GRIP1: variants seen among roughly 807,000 people sequenced by gnomAD.
GRIP1 encodes the protein glutamate receptor interacting protein 1.
In GRIP1, 45 loss-of-function variants were observed where a neutral mutation model predicts 129.9. The ratio of observed to expected loss-of-function variants is 0.35; its 90% CI spans 0.27 to 0.44. The LOEUF (loss-of-function observed/expected upper bound fraction) is 0.44, where lower values mean the gene tolerates loss of function less well. Among genes scored for constraint, GRIP1 ranks in the 20% least tolerant of loss-of-function variants. The pLI, the probability that GRIP1 is intolerant of heterozygous loss-of-function variation, is 1.00. For synonymous variants in GRIP1, 530 were observed against 520.8 expected (o/e 1.02, Z -0.24); for missense variants, 1,196 against 1,396.8 (o/e 0.86, Z 2.29).
At chr12:66,529,211 C>T (rs1451530219) in intron 5 of GRIP1, among the ~76,000 whole-genome samples, 1 of 152,128 alleles carries the variant, frequency 6.6e-6, no homozygotes, top group Admixed American at 6.5e-5. Flanking sequence ...ACTAGTACAA[C>T]CACTATAGAA....
Position 66,668,997 on chromosome 12 carries a change from G to C in GRIP1, c.55+9853C>G, listed in dbSNP as rs142699392. Among the ~76,000 whole-genome samples the C allele has an allele frequency of 1.0e-3, 154 of 152,184 alleles. 2 individuals carry two copies. The East Asian group carries it at 0.016, about 16-fold the overall frequency. ...AAAAGATCTTCAGAATATTCCTGGA[G>C]CTTTCTTTCCCCATGTGATGTGAAA... On this transcript the variant is annotated intron_variant, in intron 1 of 24. Coordinates refer to ENST00000359742, the MANE Select transcript of GRIP1 (RefSeq NM_001366722.1).
At chr12:66,379,999 G>A (rs996703674) in intron 19 of GRIP1, among the ~76,000 whole-genome samples, 18 of 151,950 alleles carry the variant, frequency 1.2e-4, no homozygotes, top group Admixed American at 7.2e-4. Context: ...TCCTCCTCCC[G>A]GGTTCAAACA....
At chr12:66,923,849 T>C (rs1039681957) in intron 1 of GRIP1, among the ~76,000 whole-genome samples, 1 of 152,192 alleles carries the variant, frequency 6.6e-6, no homozygotes, top group Non-Finnish European at 1.5e-5. Flanking sequence ...CAGCATTTTT[T>C]TTTTTATTTC....
chr12:66,594,017 G>A (rs1159110882), intron 2 of GRIP1, among the ~76,000 whole-genome samples: 10 of 131,404 alleles, frequency 7.6e-5, no homozygotes, highest in South Asian at 7.6e-4. Flanking sequence ...GCAGTGAGCC[G>A]AGATCGTGCC....
At chr12:66,581,801 T>C (rs968662672) in intron 2 of GRIP1, among the ~76,000 whole-genome samples, 2 of 152,064 alleles carry the variant, frequency 1.3e-5, no homozygotes, top group African/African-American at 4.8e-5. Flanking sequence ...ACCAGATGGA[T>C]TCACAGCCGA....
At chr12:66,823,030 AAC>A (rs2039347511) in intron 1 of GRIP1, among the ~76,000 whole-genome samples, 1 of 152,236 alleles carries the variant, frequency 6.6e-6, no homozygotes, top group African/African-American at 2.4e-5. Context: ...CAAAGCTAGT[AAC>A]ACAGAAATAG....
In GRIP1 at chr12:66,606,111, C is replaced by T. The variant is rs117830386; in HGVS notation, c.56-9184G>A. Among the ~76,000 whole-genome samples the T allele has an allele frequency of 4.6e-5, 7 of 152,188 alleles. No individual in the cohort carries two copies. The East Asian group carries it at 5.8e-4, about 13-fold the overall frequency. The stretch of plus-strand genomic sequence containing the variant: ...GTGTAACGGCCTTAGAAACAATGGT[C>T]CAAAGGATGTTCCCAATAAGCCAAG... On this transcript the variant is annotated intron_variant, in intron 1 of 24. Transcript: ENST00000359742.
At chr12:66,369,647 T>C (rs1393243328) in intron 23 of GRIP1, among the ~76,000 whole-genome samples, 9 of 152,156 alleles carry the variant, frequency 5.9e-5, no homozygotes, top group Admixed American at 3.9e-4. Flanking sequence ...TGGATTCTCT[T>C]TGGGGTGAAG....
At chr12:66,798,415 T>C (rs2038762959) in intron 1 of GRIP1, among the ~76,000 whole-genome samples, 1 of 152,176 alleles carries the variant, frequency 6.6e-6, no homozygotes, top group South Asian at 2.1e-4. Context: ...TTTGAACACA[T>C]ATTGTATTTC....
At chr12:66,937,625 T>C (rs2041508381) in intron 1 of GRIP1, among the ~76,000 whole-genome samples, 1 of 152,158 alleles carries the variant, frequency 6.6e-6, no homozygotes, top group South Asian at 2.1e-4. Context: ...AGAATGCTAT[T>C]CATCACAGTC....
chr12:66,486,215 G>A (rs978322043), intron 7 of GRIP1, among the ~76,000 whole-genome samples: 3 of 151,900 alleles, frequency 2.0e-5, no homozygotes, highest in African/African-American at 7.3e-5. Context: ...AAATAATCAT[G>A]TTAGAATTTA....
At chr12:66,608,004 CAT>C in intron 1 of GRIP1, among the ~76,000 whole-genome samples, 1 of 152,260 alleles carries the variant, frequency 6.6e-6, no homozygotes, top group South Asian at 2.1e-4. Context: ...CTTCTTGTCT[CAT>C]GTGGGCAGCA....
At chr12:66,485,554 G>C (rs2059931064) in intron 7 of GRIP1, among the ~76,000 whole-genome samples, 3 of 151,884 alleles carry the variant, frequency 2.0e-5, no homozygotes, top group Admixed American at 2.0e-4. Flanking sequence ...ATGCTTAAAG[G>C]TGTTTTTTGA....
At chr12:66,934,087 C>T (rs2137417926) in intron 1 of GRIP1, among the ~76,000 whole-genome samples, 1 of 152,280 alleles carries the variant, frequency 6.6e-6, no homozygotes, top group South Asian at 2.1e-4. Context: ...TGTTCTTGAT[C>T]TCCTTTTTGA....
chr12:66,507,818 T>A (rs2060579191), intron 7 of GRIP1, among the ~76,000 whole-genome samples: 1 of 152,054 alleles, frequency 6.6e-6, no homozygotes, highest in Non-Finnish European at 1.5e-5. Context: ...CCACCCATTC[T>A]GGAGTGCAGT....
intron 1 of GRIP1, among the ~76,000 whole-genome samples, chr12:66,865,021 A>G (rs1299778218): frequency 6.6e-6 from 1 of 152,168 alleles, no homozygotes; most frequent in Admixed American, 6.6e-5. Flanking sequence ...TATATGTCCC[A>G]GACCTATAGT....
chr12:66,592,154 C>T (rs1351142967), intron 2 of GRIP1, among the ~76,000 whole-genome samples: 2 of 152,102 alleles, frequency 1.3e-5, no homozygotes, highest in Non-Finnish European at 2.9e-5. Flanking sequence ...CTGTTGTAGC[C>T]TCTTAACTTA....
intron 1 of GRIP1, among the ~76,000 whole-genome samples, chr12:66,686,647 T>C (rs971413611): frequency 6.6e-6 from 1 of 152,342 alleles, no homozygotes; most frequent in Admixed American, 6.5e-5. Context: ...AGAATGCATA[T>C]ATTAAAAACA....
chr12:66,524,095 C>T (rs934846326), intron 5 of GRIP1, among the ~76,000 whole-genome samples: 6 of 152,262 alleles, frequency 3.9e-5, no homozygotes, highest in South Asian at 2.1e-4. Flanking sequence ...CTTAACACCC[C>T]ACTGTCAACA....
Sources: allele counts gnomAD v4.1 joint callset (sites outside exome capture counted in the v4.1 genomes callset), GRCh38; gene constraint gnomAD v4.1.1; transcripts MANE v1.5; gene names NCBI Gene and HGNC (gene_info 2026-07-23, HGNC 2026-07-21).